Variants in SMYD3 observed in about 807,000 individuals in gnomAD.
SMYD3 encodes SET and MYND domain containing 3.
SMYD3 carries 36 observed loss-of-function variants against 57.7 expected under a neutral mutation model. That is an observed-to-expected ratio of 0.62 (90% confidence interval 0.48 to 0.82). The LOEUF (loss-of-function observed/expected upper bound fraction) is 0.82, where lower values mean the gene tolerates loss of function less well. SMYD3 is among the 40% of genes least tolerant of loss of function. SMYD3 has a pLI of 0.00. For synonymous variants in SMYD3, 211 were observed against 195.0 expected, an observed-to-expected ratio of 1.08 and a Z score of -0.68; for missense variants, 515 against 538.8, an observed-to-expected ratio of 0.96 and a Z score of 0.44.
intron 5 of SMYD3, among the ~76,000 whole-genome samples, chr1:245,960,549 C>T (rs1261348943): frequency 1.3e-5 from 2 of 152,014 alleles, no homozygotes; most frequent in African/African-American, 4.8e-5. Context: ...TGGGAAAACC[C>T]CCATCTCTAC....
chr1:246,211,913 T>TA (rs76595728), intron 5 of SMYD3, among the ~76,000 whole-genome samples: 7,501 of 144,014 alleles, frequency 0.052, 441 homozygotes, highest in East Asian at 0.24. Flanking sequence ...AAGATTGTGG[T>TA]AAAAAAAAAA....
intron 10 of SMYD3, among the ~76,000 whole-genome samples, chr1:245,834,077 T>C (rs1458377770): frequency 6.6e-6 from 1 of 152,224 alleles, no homozygotes; most frequent in African/African-American, 2.4e-5. Context: ...CTCTTTTCAC[T>C]TAAGGCCCTT....
chr1:246,143,002 T>C (rs911455360), intron 5 of SMYD3, among the ~76,000 whole-genome samples: 1 of 152,172 alleles, frequency 6.6e-6, no homozygotes, highest in African/African-American at 2.4e-5. Flanking sequence ...AAGACCCACA[T>C]GGAATGGTAA....
intron 7 of SMYD3, among the ~76,000 whole-genome samples, chr1:245,927,561 C>T (rs2056457805): frequency 6.6e-6 from 1 of 151,976 alleles, no homozygotes; most frequent in Non-Finnish European, 1.5e-5. Flanking sequence ...CTGGGATGCC[C>T]CCCCCTGCCC....
At chr1:245,915,705 T>C in intron 7 of SMYD3, 65 bp from the exon 8 acceptor site, 1 of 1,044,568 alleles carries the variant, frequency 9.6e-7, no homozygotes, top group East Asian at 2.5e-5. Context: ...AACAAATGGT[T>C]ATTATTATTG....
chr1:245,965,439 T>C (rs970536269), intron 5 of SMYD3, among the ~76,000 whole-genome samples: 7 of 152,150 alleles, frequency 4.6e-5, no homozygotes, highest in African/African-American at 1.7e-4. Flanking sequence ...GAAAACAGTA[T>C]CATATAAAAT....
intron 8 of SMYD3, among the ~76,000 whole-genome samples, chr1:245,869,371 C>A (rs1290741720): frequency 3.3e-5 from 5 of 152,156 alleles, no homozygotes; most frequent in Admixed American, 3.3e-4. Context: ...ACTGCATGAC[C>A]CCGGGCAAGT....
intron 11 of SMYD3, among the ~76,000 whole-genome samples, chr1:245,755,949 T>C (rs1466125553): frequency 2.0e-5 from 3 of 150,686 alleles, no homozygotes; most frequent in Non-Finnish European, 4.4e-5. Context: ...AAATCTGCCA[T>C]TTAATTTTTT....
chr1:245,949,719 G>C (rs1260372681), intron 5 of SMYD3, among the ~76,000 whole-genome samples: 1 of 152,136 alleles, frequency 6.6e-6, no homozygotes. Flanking sequence ...TGAGGTGGAA[G>C]AATCTCTTGA....
intron 5 of SMYD3, among the ~76,000 whole-genome samples, chr1:245,995,775 T>C (rs944015344): frequency 1.3e-5 from 2 of 152,016 alleles, no homozygotes; most frequent in African/African-American, 4.8e-5. Context: ...GGGATTTGGA[T>C]AGACAGAGAC....
chr1:245,792,662 TC>T (rs1482661011), intron 10 of SMYD3, among the ~76,000 whole-genome samples: 1 of 152,188 alleles, frequency 6.6e-6, no homozygotes, highest in South Asian at 2.1e-4. Context: ...AGCTAGGACT[TC>T]ATTAATATTT....
intron 10 of SMYD3, among the ~76,000 whole-genome samples, chr1:245,789,399 C>G (rs1298660138): frequency 6.6e-6 from 1 of 152,188 alleles, no homozygotes; most frequent in South Asian, 2.1e-4. Context: ...TTTTAATAGT[C>G]TGCAATACGG....
rs114020544 is a variant in SMYD3, at chr1:246,127,305, T to C, written c.532-197368A>G. ...CATAGACTGCATAAACACCTCAATA[T>C]TTCTCATTCACAGAAAAGGTGAGAA... On this transcript the variant is annotated intron_variant, in intron 5 of 11. Transcript: ENST00000490107. Among the ~76,000 whole-genome samples the C allele has an allele frequency of 7.9e-3, 1,196 of 152,210 alleles. 13 individuals are homozygous for C. Among genetic ancestry groups the C allele is most frequent in the South Asian group, 0.036 (174 of 4,806 alleles).
chr1:246,048,954 TATTA>T (rs770751027), intron 5 of SMYD3, among the ~76,000 whole-genome samples: 9 of 152,096 alleles, frequency 5.9e-5, no homozygotes, highest in Non-Finnish European at 1.3e-4. Flanking sequence ...AGGCGATAGT[TATTA>T]ATTAAGGAAG....
intron 1 of SMYD3, among the ~76,000 whole-genome samples, chr1:246,409,049 T>G (rs530389323): frequency 2.6e-4 from 40 of 152,290 alleles, no homozygotes; most frequent in African/African-American, 9.6e-4. Context: ...TAAATTTGTT[T>G]GAGTTCATTG....
intron 1 of SMYD3, among the ~76,000 whole-genome samples, chr1:246,381,750 C>T (rs1418209226): frequency 6.6e-6 from 1 of 152,232 alleles, no homozygotes; most frequent in Non-Finnish European, 1.5e-5. Context: ...ACACCAATAA[C>T]TGTTGACACT....
intron 5 of SMYD3, among the ~76,000 whole-genome samples, chr1:246,069,244 T>C (rs2060401368): frequency 6.6e-6 from 1 of 152,132 alleles, no homozygotes; most frequent in Admixed American, 6.5e-5. Context: ...AAAATCTAAA[T>C]CAAAATGTTT....
At chr1:245,921,549 G>GTATGTATATATATATATATATA in intron 7 of SMYD3, among the ~76,000 whole-genome samples, 1 of 141,410 alleles carries the variant, frequency 7.1e-6, no homozygotes, top group South Asian at 2.6e-4. Flanking sequence ...AAAATGTGGT[G>GTATGTATATATATATATATATA]TATATATATA....
intron 5 of SMYD3, among the ~76,000 whole-genome samples, chr1:246,256,010 A>C (rs1198898338): frequency 6.6e-6 from 1 of 151,560 alleles, no homozygotes. Context: ...ACATACATAC[A>C]TAGATACATA....
Sources: allele counts gnomAD v4.1 joint callset (sites outside exome capture counted in the v4.1 genomes callset), GRCh38; gene constraint gnomAD v4.1.1; transcripts MANE v1.5; gene names NCBI Gene and HGNC (gene_info 2026-07-23, HGNC 2026-07-21).